The following GOLGA1 variants were observed in gnomAD, a reference collection of about 807,000 sequenced individuals.
GOLGA1 encodes golgin A1.
Under a neutral mutation model 119.7 loss-of-function variants are expected in GOLGA1, and 63 were observed. That is an observed-to-expected ratio of 0.53 (90% CI 0.43 to 0.65). The LOEUF is 0.65. GOLGA1 is among the 30% of genes least tolerant of loss of function. The pLI is 0.00. For missense variants in GOLGA1, 798 were observed against 912.8 expected (o/e 0.87, Z 1.62); for synonymous variants, 318 against 333.4 (o/e 0.95, Z 0.50).
At chr9:124,919,686 G>T (rs1049435913) in intron 10 of GOLGA1, among the ~76,000 whole-genome samples, 6 of 152,154 alleles carry the variant, frequency 3.9e-5, no homozygotes, top group Non-Finnish European at 8.8e-5. Flanking sequence ...GTAAGGCTCT[G>T]TCTCACTTGA....
chr9:124,909,742 G>T (rs543230269), intron 11 of GOLGA1, among the ~76,000 whole-genome samples: 1 of 152,148 alleles, frequency 6.6e-6, no homozygotes, highest in East Asian at 1.9e-4. Flanking sequence ...CTGAGGGTAG[G>T]GCCAGAGATA....
At chr9:124,885,198 G>A (rs899450992) in intron 19 of GOLGA1, among the ~76,000 whole-genome samples, 4 of 152,096 alleles carry the variant, frequency 2.6e-5, no homozygotes, top group Non-Finnish European at 5.9e-5. Context: ...GTGGTAGCGC[G>A]CCTGTAGTCC....
chr9:124,890,194 A>T (rs1177233073), intron 16 of GOLGA1, among the ~76,000 whole-genome samples, 195 bp downstream of exon 16: 1 of 152,096 alleles, frequency 6.6e-6, no homozygotes, highest in Non-Finnish European at 1.5e-5. Context: ...ATGGGGTAAG[A>T]GTTTCTTTAT....
chr9:124,932,820 C>T (rs566802457), intron 3 of GOLGA1, among the ~76,000 whole-genome samples: 1 of 152,256 alleles, frequency 6.6e-6, no homozygotes, highest in Non-Finnish European at 1.5e-5. Flanking sequence ...ATACATGACA[C>T]CTTCTAGCTG....
chr9:124,913,596 G>A (rs77217372), intron 10 of GOLGA1, among the ~76,000 whole-genome samples: 4,409 of 152,272 alleles, frequency 0.029, 227 homozygotes, highest in African/African-American at 0.097. Flanking sequence ...CTCACAGGTG[G>A]ACAACAGAGA....
At position 124,878,973 on chromosome 9, in the gene GOLGA1, G is replaced by A. The variant is rs1243076068; in HGVS notation, c.*1557C>T. On this transcript the variant is annotated 3_prime_UTR_variant, in exon 23 of 23. Transcript: ENST00000373555. ...ACAAGGGATAACTGTCTGCAAGGAGGAGCCAGAGGAGGAGGTTAGTCACTG... is the reference window on the plus strand; with the variant it reads ...ACAAGGGATAACTGTCTGCAAGGAGAAGCCAGAGGAGGAGGTTAGTCACTG... 1 of 152,244 alleles carries A rather than the reference G, an allele frequency of 6.6e-6. No individual in the cohort carries two copies. Among genetic ancestry groups the A allele is most frequent in the Non-Finnish European group, 1.5e-5 (1 of 68,058 alleles). 9.4% of individuals were successfully genotyped at this position (152,244 alleles called of 1,614,324 possible).
chr9:124,919,254 C>CAAAAAAAAG (rs1240790901), intron 10 of GOLGA1, among the ~76,000 whole-genome samples: 6 of 149,474 alleles, frequency 4.0e-5, no homozygotes, highest in Admixed American at 4.0e-4. Context: ...GACCGTGTCT[C>CAAAAAAAAG]AAAAAAAAGA....
rs1829771175 is a variant in GOLGA1 at position 124,888,298 on chromosome 9, C to T, written c.1860G>A (p.Gln620=). Reference sequence around the variant, plus strand: ...GCTGCTCCAAGTCCTGTTTCTCCTTCTGTAGCTGTGTGAGATCCATGGCCC... The same window carrying T: ...GCTGCTCCAAGTCCTGTTTCTCCTTTTGTAGCTGTGTGAGATCCATGGCCC... ...EVGAMDLTQL[Q]KEKQDLEQQL... The change falls in exon 19 of 23, where the codon CAG becomes CAA. Residue 620 remains glutamine (Q), a synonymous_variant. Coordinates refer to ENST00000373555, the MANE Select transcript of GOLGA1 (RefSeq NM_002077.4). This position sits in a 1 kb window ranked among gnomAD's most constrained non-coding sequence, Gnocchi z 4.4. 4 of 1,614,126 alleles carry T rather than the reference C, an allele frequency of 2.5e-6. No individual in the cohort carries two copies. The highest frequency in any genetic ancestry group is 3.4e-6 in the Non-Finnish European group (4 of 1,179,974).
intron 15 of GOLGA1, among the ~76,000 whole-genome samples, chr9:124,892,555 G>A (rs889377394): frequency 1.9e-4 from 29 of 152,252 alleles, no homozygotes; most frequent in Admixed American, 1.8e-3. Context: ...TCAGCTCACT[G>A]TGTGAGCCAC....
intron 3 of GOLGA1, among the ~76,000 whole-genome samples, chr9:124,934,074 A>G (rs933535415): frequency 6.6e-6 from 1 of 152,180 alleles, no homozygotes; most frequent in Non-Finnish European, 1.5e-5. Flanking sequence ...CTTGACACAC[A>G]TACTTTAATA....
intron 12 of GOLGA1, among the ~76,000 whole-genome samples, chr9:124,905,296 T>C (rs1830203540): frequency 6.6e-6 from 1 of 151,936 alleles, no homozygotes. Context: ...ACCCCGTCTC[T>C]ACTAAAAATA....
intron 19 of GOLGA1, among the ~76,000 whole-genome samples, chr9:124,883,863 C>T (rs541337068): frequency 3.7e-4 from 57 of 152,342 alleles, no homozygotes; most frequent in African/African-American, 1.1e-3. Flanking sequence ...GCTGGGACTA[C>T]AGCTGTGCGC....
intron 12 of GOLGA1, among the ~76,000 whole-genome samples, chr9:124,902,800 GTTT>G (rs1258567747): frequency 4.6e-5 from 7 of 152,126 alleles, no homozygotes; most frequent in African/African-American, 1.7e-4. Flanking sequence ...AGGAGAGGAC[GTTT>G]TTAAGGCCTA....
At chr9:124,880,954 C>T (rs1273035018) in intron 22 of GOLGA1, among the ~76,000 whole-genome samples, 2 of 152,158 alleles carry the variant, frequency 1.3e-5, no homozygotes, top group Non-Finnish European at 2.9e-5. Context: ...TTGAAAAATA[C>T]GTGGCCTGTT....
intron 15 of GOLGA1, among the ~76,000 whole-genome samples, chr9:124,897,334 ATTTAT>A (rs1221871577): frequency 2.6e-5 from 4 of 152,020 alleles, no homozygotes; most frequent in African/African-American, 4.8e-5. Context: ...TTCCACTGCT[ATTTAT>A]TTTATTTTAT....
At chr9:124,929,763 T>C (rs567282267) in intron 4 of GOLGA1, among the ~76,000 whole-genome samples, 2 of 152,162 alleles carry the variant, frequency 1.3e-5, no homozygotes, top group African/African-American at 4.8e-5. Context: ...TTTATAGTGA[T>C]AGCACTTAAT....
At position 124,921,205 on chromosome 9, in the gene GOLGA1, C is replaced by T. The variant is rs1209754381; in HGVS notation, c.767G>A (p.Ser256Asn). ...HVIASKTGAE[S>N]KITALEQKEQ... ...CTTTTGTTCCAGGGCTGTGATCTTA[C>T]TTTCTGCACCTGTTTTTGAAGCTAT... Residue 256 changes from serine to asparagine, a missense_variant, in exon 10 of 23, where the codon AGT becomes AAT. Physicochemically the swap from Ser to Asn is conservative, Grantham distance 46 (BLOSUM62 1). Coordinates refer to ENST00000373555, the MANE Select transcript of GOLGA1 (RefSeq NM_002077.4). 3 of 1,612,414 alleles carry T rather than the reference C, an allele frequency of 1.9e-6. No individual in the cohort carries two copies. Among genetic ancestry groups the T allele is most frequent in the Non-Finnish European group, 1.7e-6 (2 of 1,178,574 alleles).
At chr9:124,931,133 C>T (rs951673336) in intron 4 of GOLGA1, among the ~76,000 whole-genome samples, 183 bp downstream of exon 4, 9 of 152,082 alleles carry the variant, frequency 5.9e-5, no homozygotes, top group African/African-American at 2.2e-4. Context: ...CTTTCAAATT[C>T]AGTTTTGAAT....
At chr9:124,901,528 G>A (rs1486828260) in intron 12 of GOLGA1, among the ~76,000 whole-genome samples, 1 of 145,892 alleles carries the variant, frequency 6.9e-6, no homozygotes, top group Non-Finnish European at 1.5e-5. Flanking sequence ...TCCACCTCCT[G>A]GGTTCAAGTG....
Sources: gnomAD v4.1 joint callset for allele counts (sites outside exome capture counted in the v4.1 genomes callset) on GRCh38, gnomAD v4.1.1 for gene constraint, Gnocchi (gnomAD v3.1) non-coding constraint, MANE v1.5 for transcripts, NCBI Gene and HGNC (gene_info 2026-07-23, HGNC 2026-07-21) for gene names.